ERO1A: variants seen among roughly 807,000 people sequenced by gnomAD.
ERO1A encodes ERO1-like protein alpha.
A neutral mutation model predicts 76.9 loss-of-function variants in ERO1A; 49 were observed. That is an observed-to-expected ratio of 0.64 (90% CI 0.51 to 0.81). The LOEUF (loss-of-function observed/expected upper bound fraction) is 0.81. Ranked by LOEUF, ERO1A falls within the 30% of genes least tolerant of loss-of-function variation. The pLI is 0.00. For synonymous variants in ERO1A, 174 were observed against 181.2 expected (o/e 0.96, Z 0.32); for missense variants, 448 against 542.1 (o/e 0.83, Z 1.72).
rs1406246112 is a variant in ERO1A, at chr14:52,671,694, T to C, written c.444A>G (p.Thr148=). ...TGGTCCACTGAAGAACAGCCTTCTGTGTTTCCTCACTTCAAACAAAGAAAA... is the reference window on the plus strand; with the variant it reads ...TGGTCCACTGAAGAACAGCCTTCTGCGTTTCCTCACTTCAAACAAAGAAAA... ...GAVDESLSEE[T]QKAVLQWTKH... The change falls in exon 6 of 16, where the codon ACA becomes ACG. Residue 148 remains threonine, a synonymous_variant. Transcript: ENST00000395686. 6.2e-7 allele frequency: 1 copy of C among 1,605,272 alleles called. No individual in the cohort carries two copies. The highest frequency in any genetic ancestry group is 8.5e-7 in the Non-Finnish European group (1 of 1,175,488).
chr14:52,674,945 T>C (rs1035326846), intron 4 of ERO1A, among the ~76,000 whole-genome samples: 1 of 152,194 alleles, frequency 6.6e-6, no homozygotes, highest in Admixed American at 6.5e-5. Context: ...CTTACATAAA[T>C]CCATCTAGCT....
intron 13 of ERO1A, among the ~76,000 whole-genome samples, chr14:52,647,297 G>A (rs1385950756): frequency 6.6e-6 from 1 of 151,016 alleles, no homozygotes; most frequent in Admixed American, 6.6e-5. Context: ...ACTGTGCCCA[G>A]CCCTTTGGTT....
In ERO1A at chr14:52,642,792, TA is replaced by T. The variant is rs542845659; in HGVS notation, c.*777del. 2.8e-3 allele frequency: 423 copies of T among 152,732 alleles called. 1 individual carries two copies. The highest frequency in any genetic ancestry group is 9.5e-3 in the African/African-American group (397 of 41,578). 9.5% of individuals were successfully genotyped at this position (152,732 alleles called of 1,614,324 possible). A position where few individuals can be genotyped will look rare whatever the true frequency, so the allele number is the denominator to read the frequency against. On this transcript the variant is annotated 3_prime_UTR_variant, in exon 16 of 16. Coordinates refer to ENST00000395686, the MANE Select transcript of ERO1A (RefSeq NM_014584.3). The stretch of plus-strand genomic sequence containing the variant: ...AAAGTGTTCCCCAAATTTTATTTAG[TA>T]TTAGTGAAAGTATTATGAGAATAAA...
rs1054306367 is a variant in ERO1A at position 52,653,684 on chromosome 14, T to A, written c.809-369A>T. ...CAGGGCAAATGAAATTTCTATCAAC[T>A]CTACACTTTTAGTTACTTTAAAATG... On this transcript the variant is annotated intron_variant, in intron 11 of 15. Coordinates refer to ENST00000395686, the MANE Select transcript of ERO1A (RefSeq NM_014584.3). Among the ~76,000 whole-genome samples, 3 of 151,954 alleles carry A rather than the reference T, an allele frequency of 2.0e-5. 1 individual carries two copies. The highest frequency in any genetic ancestry group is 4.4e-5 in the Non-Finnish European group (3 of 67,926).
At position 52,669,416 on chromosome 14, in the gene ERO1A, A is replaced by G. The variant is rs540718263; in HGVS notation, c.508+2214T>C. On this transcript the variant is annotated intron_variant, in intron 6 of 15. Coordinates refer to ENST00000395686, the MANE Select transcript of ERO1A (RefSeq NM_014584.3). Reference sequence around the variant, plus strand: ...CACAACAATATTTAAGGTAAAAAAAAAATCCTTGTAGAAAAGATGGCAAAA... The same window carrying G: ...CACAACAATATTTAAGGTAAAAAAAGAATCCTTGTAGAAAAGATGGCAAAA... Among the ~76,000 whole-genome samples the G allele has an allele frequency of 2.9e-4, 44 of 152,322 alleles. 1 individual carries two copies. In the South Asian group the frequency reaches 8.5e-3, roughly 29 times the overall value.
chr14:52,674,068 T>C (rs1276079981), intron 4 of ERO1A, among the ~76,000 whole-genome samples: 3 of 152,262 alleles, frequency 2.0e-5, no homozygotes, highest in Admixed American at 1.3e-4. Context: ...TTTATATGTG[T>C]ACTACCACAA....
At chr14:52,691,472 T>C (rs572856860) in intron 1 of ERO1A, among the ~76,000 whole-genome samples, 1 of 152,340 alleles carries the variant, frequency 6.6e-6, no homozygotes, top group East Asian at 1.9e-4. Context: ...ACCTCTCCAG[T>C]GTAACCTGTT....
rs144385112 is a variant in ERO1A at position 52,660,393 on chromosome 14, A to C, written c.688+900T>G. Among the ~76,000 whole-genome samples, 2 of 152,350 alleles carry C rather than the reference A, an allele frequency of 1.3e-5. 1 individual carries two copies. The highest frequency in any genetic ancestry group is 3.9e-4 in the East Asian group (2 of 5,188). ...GTGGCTAACAATATAGCATAGAACT[A>C]GGTTAATACTCAAGGTAAAATAAGG... On this transcript the variant is annotated intron_variant, in intron 9 of 15. Coordinates refer to ENST00000395686, the MANE Select transcript of ERO1A (RefSeq NM_014584.3).
At chr14:52,682,237 A>C (rs75245129) in intron 3 of ERO1A, 88 bp downstream of exon 3, 1 of 965,880 alleles carries the variant, frequency 1.0e-6, no homozygotes, top group Non-Finnish European at 1.5e-6. Flanking sequence ...CTATTTTTTC[A>C]AAAAAAAATT....
Position 52,695,444 on chromosome 14 carries a change from C to T in ERO1A, c.38G>A (p.Gly13Asp), listed in dbSNP as rs2041524964. Residue 13 changes from glycine to aspartate, a missense_variant, in exon 1 of 16, where the codon GGC becomes GAC. By Grantham distance (94) the Gly-to-Asp change is moderately conservative. Around this residue, in one of 2 missense-constraint regions of ERO1A, gnomAD observed 146 missense variants for 130.2 expected, o/e 1.12. Transcript: ENST00000395686. ...RGWGFLFGLLGAVWLLSSGHG... is the reference protein window; with the variant it reads ...RGWGFLFGLLDAVWLLSSGHG... ...GCCCGAGCTGAGCAGCCACACGGCG[C>T]CCAGGAGGCCAAACAAGAATCCCCA... 1.3e-6 allele frequency: 2 copies of T among 1,549,108 alleles called. No individual in the cohort carries two copies. Among genetic ancestry groups the T allele is most frequent in the Non-Finnish European group, 8.7e-7 (1 of 1,147,640 alleles).
chr14:52,672,692 C>T (rs1334873072), intron 4 of ERO1A, among the ~76,000 whole-genome samples: 1 of 151,134 alleles, frequency 6.6e-6, no homozygotes, highest in Admixed American at 6.6e-5. Flanking sequence ...ATTGCTTGAG[C>T]CCAGGAGTTC....
chr14:52,694,682 C>A (rs896883725), intron 1 of ERO1A, among the ~76,000 whole-genome samples: 1 of 151,972 alleles, frequency 6.6e-6, no homozygotes, highest in Non-Finnish European at 1.5e-5. Flanking sequence ...ACATCTCTTA[C>A]AGAAGGAAAT....
At chr14:52,671,466 C>T in intron 6 of ERO1A, 164 bp downstream of exon 6, 1 of 534,352 alleles carries the variant, frequency 1.9e-6, no homozygotes, top group South Asian at 3.2e-5. Context: ...TACTATGTTG[C>T]CCAGTCTGGA....
At chr14:52,668,065 T>C (rs980445339) in intron 6 of ERO1A, among the ~76,000 whole-genome samples, 60 of 152,006 alleles carry the variant, frequency 3.9e-4, no homozygotes, top group Non-Finnish European at 7.4e-4. Flanking sequence ...CATCTTAAAA[T>C]AGCAGAGTTC....
At chr14:52,678,669 G>A (rs534198518) in intron 3 of ERO1A, among the ~76,000 whole-genome samples, 197 bp from the exon 4 acceptor site, 3 of 152,246 alleles carry the variant, frequency 2.0e-5, no homozygotes, top group African/African-American at 7.2e-5. Flanking sequence ...GGATTGCTGA[G>A]CATACATTAT....
rs561547058 is a variant in ERO1A, at chr14:52,656,065, G to A, written c.808+1852C>T. Among the ~76,000 whole-genome samples the A allele has an allele frequency of 5.3e-5, 8 of 152,136 alleles. No individual in the cohort carries two copies. The East Asian group carries it at 9.7e-4, about 18-fold the overall frequency. ...CATTATTTTGATCTATAGTCACTAC[G>A]CTGTACAAAAATATCTCTTGAACTT... On this transcript the variant is annotated intron_variant, in intron 11 of 15. Coordinates refer to ENST00000395686, the MANE Select transcript of ERO1A (RefSeq NM_014584.3).
chr14:52,680,012 A>G (rs955741952), intron 3 of ERO1A, among the ~76,000 whole-genome samples: 3 of 150,584 alleles, frequency 2.0e-5, no homozygotes, highest in Admixed American at 6.7e-5. Context: ...GTGAGCCAAG[A>G]TCATGCCACT....
chr14:52,646,421 A>G lies in ERO1A; in HGVS notation c.1166T>C (p.Met389Thr), dbSNP rs1322406836. ...ACATTTAAAACAACCAACACAATCC[A>G]TAATTCTTGAAATATTTCTAAAATG... ...RLHFRNISRI[M>T]DCVGCFKCRL... is the part of the protein sequence containing the mutation. The change falls in exon 14 of 16, where the codon ATG becomes ACG. Residue 389 changes from methionine to threonine, a missense_variant. Met to Thr is a moderately conservative substitution (Grantham distance 81). This residue lies in a region of ERO1A where 302 missense variants were observed against 411.9 expected (regional missense o/e 0.73). Transcript: ENST00000395686. The G allele has an allele frequency of 1.2e-6, 2 of 1,612,680 alleles. No homozygotes were observed. The highest frequency in any genetic ancestry group is 1.7e-6 in the Non-Finnish European group (2 of 1,179,638).
At chr14:52,679,503 C>G (rs182762690) in intron 3 of ERO1A, among the ~76,000 whole-genome samples, 321 of 151,754 alleles carry the variant, frequency 2.1e-3, no homozygotes, top group African/African-American at 7.5e-3. Flanking sequence ...ACCTCCGCCT[C>G]CTGGGTTCAA....
Sources: gnomAD v4.1 joint callset for allele counts (sites outside exome capture counted in the v4.1 genomes callset) on GRCh38, gnomAD v4.1.1 for gene constraint, gnomAD v4.1.1 regional missense constraint, MANE v1.5 for transcripts, NCBI Gene and HGNC (gene_info 2026-07-23, HGNC 2026-07-21) for gene names.